The following TMEM38B variants were observed in gnomAD, a reference collection of about 807,000 sequenced individuals.
The protein encoded by TMEM38B is transmembrane protein 38B.
A neutral mutation model predicts 28.7 loss-of-function variants in TMEM38B; 24 were observed. That is an observed-to-expected ratio of 0.84 (90% CI 0.61 to 1.18). The LOEUF is 1.18. Among genes scored for constraint, TMEM38B ranks in the 50% most tolerant of loss-of-function variants. TMEM38B has a pLI of 0.00. For missense variants in TMEM38B, 380 were observed against 350.9 expected, an observed-to-expected ratio of 1.08 and a Z score of -0.66; for synonymous variants, 131 against 127.7, an observed-to-expected ratio of 1.03 and a Z score of -0.17.
At chr9:105,721,202 A>G (rs920866039) in intron 2 of TMEM38B, among the ~76,000 whole-genome samples, 1 of 152,200 alleles carries the variant, frequency 6.6e-6, no homozygotes, top group Admixed American at 6.5e-5. Context: ...ATGATTATAC[A>G]TTTGTTTTGT....
intron 4 of TMEM38B, among the ~76,000 whole-genome samples, chr9:105,730,812 G>A (rs748862589): frequency 7.2e-5 from 11 of 152,136 alleles, no homozygotes; most frequent in Non-Finnish European, 1.5e-4. Flanking sequence ...ATGTGTCCAG[G>A]AATTTATCCA....
At chr9:105,723,124 A>AT (rs902947543) in intron 4 of TMEM38B, among the ~76,000 whole-genome samples, 2 of 152,222 alleles carry the variant, frequency 1.3e-5, no homozygotes, top group Admixed American at 6.5e-5. Context: ...TTAATTACAG[A>AT]TTAAAATAAG....
At chr9:105,718,626 G>GTA (rs1452784075) in intron 2 of TMEM38B, among the ~76,000 whole-genome samples, 1 of 152,112 alleles carries the variant, frequency 6.6e-6, no homozygotes, top group Non-Finnish European at 1.5e-5. Context: ...AGCTCATAGT[G>GTA]TATACATCTG....
chr9:105,766,487 T>G (rs1211683856), intron 5 of TMEM38B, among the ~76,000 whole-genome samples: 1 of 152,192 alleles, frequency 6.6e-6, no homozygotes, highest in Non-Finnish European at 1.5e-5. Flanking sequence ...TCTCTGTATA[T>G]TCAGGATGTC....
chr9:105,766,486 A>G (rs1467239311), intron 5 of TMEM38B, among the ~76,000 whole-genome samples: 1 of 152,142 alleles, frequency 6.6e-6, no homozygotes, highest in African/African-American at 2.4e-5. Context: ...TTCTCTGTAT[A>G]TTCAGGATGT....
At chr9:105,702,388 A>G (rs933306080) in intron 1 of TMEM38B, among the ~76,000 whole-genome samples, 4 of 152,166 alleles carry the variant, frequency 2.6e-5, no homozygotes, top group African/African-American at 9.6e-5. Context: ...TTGAATGTCA[A>G]CTGTTTTGAA....
chr9:105,714,713 C>T (rs1836031742), intron 2 of TMEM38B, among the ~76,000 whole-genome samples: 1 of 152,198 alleles, frequency 6.6e-6, no homozygotes, highest in South Asian at 2.1e-4. Context: ...CAGATAGACT[C>T]CTGAGACAGA....
intron 4 of TMEM38B, among the ~76,000 whole-genome samples, chr9:105,739,866 A>G (rs114973733): frequency 6.6e-6 from 1 of 151,944 alleles, no homozygotes; most frequent in African/African-American, 2.4e-5. Context: ...ATAGCTTTCT[A>G]TTTAATTACG....
rs1204508432 is a variant in TMEM38B at position 105,758,774 on chromosome 9, G to A, written c.660+10584G>A. Reference sequence around the variant, plus strand: ...ACTTATCTCATAGAACTCCTAAAAAGCATGGATTACATTTATCTCAGGAAA... The same window carrying A: ...ACTTATCTCATAGAACTCCTAAAAAACATGGATTACATTTATCTCAGGAAA... On this transcript the variant is annotated intron_variant, in intron 5 of 5. Coordinates refer to ENST00000374692, the MANE Select transcript of TMEM38B (RefSeq NM_018112.3). 5.8e-5 allele frequency: 46 copies of A among 788,500 alleles called. 1 individual carries two copies. The highest frequency in any genetic ancestry group is 5.2e-4 in the South Asian group (36 of 69,184). 48.8% of individuals were successfully genotyped at this position (788,500 alleles called of 1,614,324 possible).
chr9:105,736,121 C>T (rs574996760), intron 4 of TMEM38B, among the ~76,000 whole-genome samples: 198 of 151,616 alleles, frequency 1.3e-3, no homozygotes, highest in African/African-American at 4.6e-3. Context: ...AACTCCTGGC[C>T]TCAAGCAGCC....
intron 2 of TMEM38B, among the ~76,000 whole-genome samples, chr9:105,707,798 T>G (rs1835731746): frequency 6.6e-6 from 1 of 152,170 alleles, no homozygotes; most frequent in Admixed American, 6.6e-5. Flanking sequence ...AACTTTAGAG[T>G]CTTCACACTT....
In TMEM38B at chr9:105,694,574, G is replaced by C; in HGVS notation, c.-87G>C. On this transcript the variant is annotated 5_prime_UTR_variant, in exon 1 of 6. Transcript: ENST00000374692. ...AGCCGGCGCGGAGGAGCGGGCGGCCGCGGCTGTGCCCTCTCCTACTCCTCA... is the reference window on the plus strand; with the variant it reads ...AGCCGGCGCGGAGGAGCGGGCGGCCCCGGCTGTGCCCTCTCCTACTCCTCA... 1.0e-6 allele frequency: 1 copy of C among 990,094 alleles called. No homozygotes were observed. Among genetic ancestry groups the C allele is most frequent in the Non-Finnish European group, 1.5e-6 (1 of 676,172 alleles). 61.3% of individuals were successfully genotyped at this position (990,094 alleles called of 1,614,324 possible). A position where few individuals can be genotyped will look rare whatever the true frequency, so the allele number is the denominator to read the frequency against.
chr9:105,704,710 G>A (rs577511758), intron 1 of TMEM38B, among the ~76,000 whole-genome samples: 6 of 152,190 alleles, frequency 3.9e-5, no homozygotes, highest in Non-Finnish European at 5.9e-5. Context: ...TGGATCACGA[G>A]ATCAGGAGTT....
At chr9:105,765,509 C>T (rs1826342997) in intron 5 of TMEM38B, among the ~76,000 whole-genome samples, 1 of 152,186 alleles carries the variant, frequency 6.6e-6, no homozygotes, top group Non-Finnish European at 1.5e-5. Context: ...TAAATCCCAG[C>T]CACTACCCAT....
At position 105,730,353 on chromosome 9, in the gene TMEM38B, G is replaced by A. The variant is rs187943085; in HGVS notation, c.542+7732G>A. On this transcript the variant is annotated intron_variant, in intron 4 of 5. Coordinates refer to ENST00000374692, the MANE Select transcript of TMEM38B (RefSeq NM_018112.3). Reference sequence around the variant, plus strand: ...GAGATAATCATGTGGTTTTTTCGTTGGTCCTGTTTGGATTACGTTTATTGA... The same window carrying A: ...GAGATAATCATGTGGTTTTTTCGTTAGTCCTGTTTGGATTACGTTTATTGA... 2.4e-4 allele frequency among the ~76,000 whole-genome samples: 37 copies of A among 151,344 alleles called. 2 individuals are homozygous for A. In the East Asian group the frequency reaches 5.5e-3, roughly 22 times the overall value.
chr9:105,719,093 G>A (rs896460999), intron 2 of TMEM38B, among the ~76,000 whole-genome samples: 2 of 152,186 alleles, frequency 1.3e-5, no homozygotes, highest in African/African-American at 2.4e-5. Context: ...AGTTCTCAAT[G>A]ACTAAGCCTG....
At chr9:105,765,212 A>G (rs187786297) in intron 5 of TMEM38B, among the ~76,000 whole-genome samples, 1 of 152,198 alleles carries the variant, frequency 6.6e-6, no homozygotes, top group South Asian at 2.1e-4. Context: ...TTGAGATTAA[A>G]ATTATTTGGG....
chr9:105,773,039 T>C (rs1471021082), intron 5 of TMEM38B, among the ~76,000 whole-genome samples: 4 of 152,254 alleles, frequency 2.6e-5, no homozygotes, highest in Non-Finnish European at 4.4e-5. Flanking sequence ...ATCCCCAGAA[T>C]TTCTAGTTTA....
At chr9:105,701,403 G>A (rs750737245) in intron 1 of TMEM38B, 1 of 152,222 alleles carries the variant, frequency 6.6e-6, no homozygotes. Context: ...GAGCAAGAGT[G>A]TTAACATAGA....
Sources: gnomAD v4.1 joint callset for allele counts (sites outside exome capture counted in the v4.1 genomes callset) on GRCh38, gnomAD v4.1.1 for gene constraint, MANE v1.5 for transcripts, NCBI Gene and HGNC (gene_info 2026-07-23, HGNC 2026-07-21) for gene names.